Variants in TAB2 observed in about 807,000 individuals in gnomAD.
TAB2 encodes the protein TGF-beta activated kinase 1 (MAP3K7) binding protein 2, also known as TGF-beta-activated kinase 1 and MAP3K7-binding protein 2.
A neutral mutation model predicts 65.0 loss-of-function variants in TAB2; 3 were observed. The observed-to-expected ratio is 0.05, with a 90% CI of 0.02 to 0.12. TAB2 has a LOEUF of 0.12. Among genes scored for constraint, TAB2 ranks in the 10% least tolerant of loss-of-function variants. The pLI is 1.00. For missense variants in TAB2, 623 were observed against 840.3 expected (o/e 0.74, Z 3.20); for synonymous variants, 298 against 285.1 (o/e 1.05, Z -0.46).
At chr6:149,222,240 C>T (rs1039781972) in intron 1 of TAB2, among the ~76,000 whole-genome samples, 1 of 152,176 alleles carries the variant, frequency 6.6e-6, no homozygotes, top group East Asian at 1.9e-4. Flanking sequence ...AATTACACCA[C>T]CAGCTTTCCT....
At chr6:149,408,225 A>G (rs1050776927) in intron 6 of TAB2, among the ~76,000 whole-genome samples, 1 of 152,044 alleles carries the variant, frequency 6.6e-6, no homozygotes, top group African/African-American at 2.4e-5. Context: ...CAGACCCTTG[A>G]TTTTTTTAGA....
At chr6:149,349,200 C>A (rs1780406642) in intron 1 of TAB2, among the ~76,000 whole-genome samples, 1 of 151,746 alleles carries the variant, frequency 6.6e-6, no homozygotes, top group Admixed American at 6.6e-5. Context: ...GCGGGTTGAT[C>A]ACAAGGCCAG....
At chr6:149,237,940 T>C (rs957168734) in intron 1 of TAB2, among the ~76,000 whole-genome samples, 4 of 152,362 alleles carry the variant, frequency 2.6e-5, no homozygotes, top group Admixed American at 2.0e-4. Flanking sequence ...TGAAGCTTTC[T>C]ACCTGCTCCC....
At chr6:149,232,442 G>C (rs1199230627) in intron 1 of TAB2, among the ~76,000 whole-genome samples, 3 of 152,168 alleles carry the variant, frequency 2.0e-5, no homozygotes, top group Non-Finnish European at 2.9e-5. Context: ...TGCCAGGCTG[G>C]TCTAGGATTC....
intron 1 of TAB2, chr6:149,321,145 G>A (rs867262432): frequency 2.0e-5 from 3 of 152,140 alleles, no homozygotes; most frequent in African/African-American, 7.2e-5. Flanking sequence ...AAAGGAGATT[G>A]TCTCTGAACC....
At chr6:149,404,001 A>G (rs1161511749) in intron 6 of TAB2, among the ~76,000 whole-genome samples, 1 of 152,192 alleles carries the variant, frequency 6.6e-6, no homozygotes, top group Non-Finnish European at 1.5e-5. Flanking sequence ...TAGACAAGAA[A>G]AATAAAGGTA....
intron 1 of TAB2, among the ~76,000 whole-genome samples, chr6:149,308,730 G>A (rs1046487825): frequency 5.3e-5 from 8 of 152,052 alleles, no homozygotes; most frequent in East Asian, 3.9e-4. Context: ...GTTTCACCAC[G>A]TTGACCAGGA....
chr6:149,315,589 G>A (rs1371952978), upstream of TAB2, among the ~76,000 whole-genome samples: 1 of 152,080 alleles, frequency 6.6e-6, no homozygotes, highest in Non-Finnish European at 1.5e-5. Context: ...TCCCAATAAT[G>A]TCCTATATGA....
rs1316743840 is a variant in TAB2 at position 149,403,279 on chromosome 6, TATATACACACAC to T, written c.1939+4097_1939+4108del. Among the ~76,000 whole-genome samples the T allele has an allele frequency of 1.1e-3, 45 of 40,028 alleles. 1 individual carries two copies. The highest frequency in any genetic ancestry group is 3.6e-3 in the African/African-American group (26 of 7,158). The allele number at this position is 40,028 out of a possible 152,430, so 26.3% of individuals were successfully genotyped here. On this transcript the variant is annotated intron_variant, in intron 6 of 6. Transcript: ENST00000637181. ...ATATATATATATATATATATATATA[TATATACACACAC>T]ACACATATATATATATATATATACA... is the stretch of plus-strand genomic sequence containing the variant.
At chr6:149,352,314 A>G (rs1351450380) in intron 1 of TAB2, among the ~76,000 whole-genome samples, 3 of 152,114 alleles carry the variant, frequency 2.0e-5, no homozygotes, top group Non-Finnish European at 4.4e-5. Flanking sequence ...TTTATTGTAC[A>G]TCTACATTTT....
At position 149,357,430 on chromosome 6, in the gene TAB2, A is replaced by AACACAC. The variant is rs1554261742; in HGVS notation, c.-89-12447_-89-12442dup. 2.3e-3 allele frequency among the ~76,000 whole-genome samples: 258 copies of AACACAC among 111,064 alleles called. 4 individuals carry two copies. Among genetic ancestry groups the AACACAC allele is most frequent in the Middle Eastern group, 5.0e-3 (1 of 202 alleles). 72.9% of individuals were successfully genotyped at this position (111,064 alleles called of 152,430 possible). A position where few individuals can be genotyped will look rare whatever the true frequency, so the allele number is the denominator to read the frequency against. Reference sequence around the variant, plus strand: ...GACTCCGTCTCAAGGAGAAAAAAAAAACACACACACACACACACACACACA... The same window carrying AACACAC: ...GACTCCGTCTCAAGGAGAAAAAAAAAACACACACACACACACACACACACACACACA... On this transcript the variant is annotated intron_variant, in intron 1 of 6. Coordinates refer to ENST00000637181, the MANE Select transcript of TAB2 (RefSeq NM_001292034.3).
At chr6:149,278,886 C>G (rs1583061707) in intron 1 of TAB2, among the ~76,000 whole-genome samples, 1 of 152,016 alleles carries the variant, frequency 6.6e-6, no homozygotes, top group East Asian at 1.9e-4. Context: ...CGAGACCTGT[C>G]TGGGCAACAC....
At chr6:149,405,985 A>G (rs1282675622) in intron 6 of TAB2, among the ~76,000 whole-genome samples, 1 of 152,216 alleles carries the variant, frequency 6.6e-6, no homozygotes, top group Non-Finnish European at 1.5e-5. Context: ...CAGTATATAC[A>G]TAAATCATCA....
chr6:149,378,909 C>T lies in TAB2; in HGVS notation c.994C>T (p.Pro332Ser). ...AAACCAGATTGAAATCAAACTTGAACCCCCACAAAGAAATAATTCTTCAAA... is the reference window on the plus strand; with the variant it reads ...AAACCAGATTGAAATCAAACTTGAATCCCCACAAAGAAATAATTCTTCAAA... ...RKNQIEIKLE[P>S]PQRNNSSKLR... Residue 332 changes from proline to serine, a missense_variant, in exon 3 of 7, where the codon CCC becomes TCC. Pro to Ser is a moderately conservative substitution (Grantham distance 74). This residue lies in a region of TAB2 where 550 missense variants were observed against 665.7 expected (regional missense o/e 0.83). Coordinates refer to ENST00000637181, the MANE Select transcript of TAB2 (RefSeq NM_001292034.3). 26 of 1,614,086 alleles carry T rather than the reference C, an allele frequency of 1.6e-5. No homozygotes were observed. The highest frequency in any genetic ancestry group is 2.0e-5 in the Non-Finnish European group (24 of 1,180,040).
chr6:149,254,875 AC>A (rs1336224718), intron 1 of TAB2, among the ~76,000 whole-genome samples: 1 of 152,378 alleles, frequency 6.6e-6, no homozygotes, highest in East Asian at 1.9e-4. Context: ...AATGTAGGCT[AC>A]ACAAAATTTT....
chr6:149,221,018 C>T (rs1169708441), intron 1 of TAB2: 2 of 152,158 alleles, frequency 1.3e-5, no homozygotes, highest in Non-Finnish European at 2.9e-5. Context: ...GACAACTTCA[C>T]TTAGTTATTT....
chr6:149,396,685 C>A (rs1782182749), intron 3 of TAB2, among the ~76,000 whole-genome samples: 1 of 152,102 alleles, frequency 6.6e-6, no homozygotes, highest in Non-Finnish European at 1.5e-5. Context: ...TTATGGTTTC[C>A]CAAGTAGTTC....
intron 1 of TAB2, among the ~76,000 whole-genome samples, chr6:149,298,940 C>T (rs1035638943): frequency 1.4e-4 from 21 of 152,318 alleles, no homozygotes; most frequent in African/African-American, 4.8e-4. Context: ...ATTCCTTCTG[C>T]TTATGTTAAT....
At chr6:149,309,718 A>T (rs1208997163) in intron 1 of TAB2, among the ~76,000 whole-genome samples, 1 of 151,912 alleles carries the variant, frequency 6.6e-6, no homozygotes, top group African/African-American at 2.4e-5. Flanking sequence ...TCTTTAAAAA[A>T]AAAATGGTCT....
Sources: allele counts gnomAD v4.1 joint callset (sites outside exome capture counted in the v4.1 genomes callset), GRCh38; gene constraint gnomAD v4.1.1; regional missense constraint gnomAD v4.1.1; transcripts MANE v1.5; gene names NCBI Gene and HGNC (gene_info 2026-07-23, HGNC 2026-07-21).